APLF: variants seen among roughly 807,000 people sequenced by gnomAD.
APLF encodes the protein aprataxin and PNKP like factor, also known as aprataxin and PNK-like factor.
A neutral mutation model predicts 55.6 loss-of-function variants in APLF; 61 were observed. That is an observed-to-expected ratio of 1.10 (90% CI 0.89 to 1.36). The LOEUF is 1.36. Ranked by LOEUF, APLF falls within the 40% of genes most tolerant of loss-of-function variation. The probability of loss-of-function intolerance (pLI) is 0.00; values close to 1 mark genes in which losing one functional copy is unlikely to be tolerated. For missense variants in APLF, 611 were observed against 602.5 expected (o/e 1.01, Z -0.15); for synonymous variants, 207 against 214.8 (o/e 0.96, Z 0.32).
At chr2:68,517,853 A>G (rs543620554) in intron 5 of APLF, among the ~76,000 whole-genome samples, 5 of 144,834 alleles carry the variant, frequency 3.5e-5, no homozygotes, top group African/African-American at 9.9e-5. Context: ...TATATCACTA[A>G]TATGTGTTAA....
chr2:68,562,471 A>T (rs1414680399), intron 8 of APLF, among the ~76,000 whole-genome samples: 3 of 152,034 alleles, frequency 2.0e-5, no homozygotes, highest in Non-Finnish European at 4.4e-5. Context: ...GATTTGACAG[A>T]TGATAGAGAT....
At chr2:68,572,607 A>G (rs1022311143) in intron 9 of APLF, among the ~76,000 whole-genome samples, 3 of 152,196 alleles carry the variant, frequency 2.0e-5, no homozygotes, top group African/African-American at 7.2e-5. Context: ...AGGCCAAGGC[A>G]GGAGGATCGC....
At chr2:68,572,563 T>C (rs1040645991) in intron 9 of APLF, among the ~76,000 whole-genome samples, 1 of 152,200 alleles carries the variant, frequency 6.6e-6, no homozygotes, top group Non-Finnish European at 1.5e-5. Flanking sequence ...TGGCTGGGTG[T>C]GGTGGCTCAT....
Position 68,528,498 on chromosome 2 carries a change from G to A in APLF, c.804+2256G>A, listed in dbSNP as rs906403526. ...GGTGGCCCCGACAGTTTTCTTTTGC[G>A]GGACCTGTGGCCGGCAGCTCTGGGT... On this transcript the variant is annotated intron_variant, in intron 6 of 9. Coordinates refer to ENST00000303795, the MANE Select transcript of APLF (RefSeq NM_173545.3). 113 of 1,533,878 alleles carry A rather than the reference G, an allele frequency of 7.4e-5. 2 individuals carry two copies. Among genetic ancestry groups the A allele is most frequent in the South Asian group, 3.5e-4 (29 of 83,950 alleles).
intron 8 of APLF, among the ~76,000 whole-genome samples, chr2:68,563,906 T>C (rs928426744): frequency 2.6e-5 from 4 of 152,056 alleles, no homozygotes; most frequent in African/African-American, 7.2e-5. Context: ...CCATATAGAA[T>C]GTTAACACTT....
At chr2:68,507,262 A>G (rs1196705422) in intron 3 of APLF, among the ~76,000 whole-genome samples, 1 of 151,968 alleles carries the variant, frequency 6.6e-6, no homozygotes, top group Non-Finnish European at 1.5e-5. Flanking sequence ...AGAAGTTGTT[A>G]GGACTCCTTT....
At chr2:68,539,227 T>C (rs1670484343) in intron 7 of APLF, among the ~76,000 whole-genome samples, 1 of 152,232 alleles carries the variant, frequency 6.6e-6, no homozygotes, top group Non-Finnish European at 1.5e-5. Context: ...TGGAAGTATA[T>C]ATACCTTCTG....
At chr2:68,527,376 G>A (rs1160749404) in intron 6 of APLF, among the ~76,000 whole-genome samples, 6 of 150,682 alleles carry the variant, frequency 4.0e-5, no homozygotes. Context: ...CAGACAGGAT[G>A]GTGGCTGGGC....
intron 2 of APLF, among the ~76,000 whole-genome samples, chr2:68,493,470 T>C (rs1161495341): frequency 1.3e-5 from 2 of 152,046 alleles, no homozygotes; most frequent in Non-Finnish European, 2.9e-5. Context: ...TTAAACAGGA[T>C]ATAAAAAGCA....
intron 8 of APLF, chr2:68,563,047 A>C: frequency 2.0e-6 from 2 of 984,798 alleles, no homozygotes; most frequent in Non-Finnish European, 2.4e-6. Context: ...CTTCATTTTC[A>C]GTGAAATAGC....
At chr2:68,502,633 A>G in intron 2 of APLF, 98 bp from the exon 3 acceptor site, 1 of 814,188 alleles carries the variant, frequency 1.2e-6, no homozygotes, top group Non-Finnish European at 1.7e-6. Context: ...AAAATTATGA[A>G]TTCATATTTA....
chr2:68,510,564 C>T lies in APLF; in HGVS notation c.342-2516C>T, dbSNP rs79872471. On this transcript the variant is annotated intron_variant, in intron 3 of 9. Coordinates refer to ENST00000303795, the MANE Select transcript of APLF (RefSeq NM_173545.3). ...GTTGTGAAGAAACTGAACTATTATA[C>T]ATTGTGGTGGGATTATAAAATGGTA... Among the ~76,000 whole-genome samples, 4 of 151,864 alleles carry T rather than the reference C, an allele frequency of 2.6e-5. No homozygotes were observed. In the East Asian group the frequency reaches 5.8e-4, roughly 22 times the overall value.
chr2:68,512,980 T>G, intron 3 of APLF, 100 bp from the exon 4 acceptor site: 1 of 1,136,858 alleles, frequency 8.8e-7, no homozygotes, highest in Non-Finnish European at 1.2e-6. Flanking sequence ...TTTTTGGTTT[T>G]GCTAAGTCTG....
chr2:68,490,171 T>TA lies in APLF; in HGVS notation c.97-17dup. ...AAGGAGGTGGCTATTCTTAATCTTT[T>TA]AATTTTTTTACTGTATAGATAACAG... is the stretch of plus-strand genomic sequence containing the variant. On this transcript the variant is annotated intron_variant, in intron 1 of 9. Transcript: ENST00000303795. 6.4e-7 allele frequency: 1 copy of TA among 1,560,478 alleles called. No individual in the cohort carries two copies. Among genetic ancestry groups the TA allele is most frequent in the Non-Finnish European group, 8.6e-7 (1 of 1,158,930 alleles).
intron 7 of APLF, among the ~76,000 whole-genome samples, chr2:68,539,719 C>G (rs1670494574): frequency 6.6e-6 from 1 of 152,034 alleles, no homozygotes; most frequent in Non-Finnish European, 1.5e-5. Context: ...GAAAAAAATT[C>G]TTAATTATAT....
At chr2:68,494,185 A>G (rs554094901) in intron 2 of APLF, among the ~76,000 whole-genome samples, 1 of 145,084 alleles carries the variant, frequency 6.9e-6, no homozygotes, top group South Asian at 2.4e-4. Flanking sequence ...CTGAGGCAGG[A>G]GAATTGCTTG....
At chr2:68,499,500 T>G (rs1343711438) in intron 2 of APLF, among the ~76,000 whole-genome samples, 1 of 152,210 alleles carries the variant, frequency 6.6e-6, no homozygotes, top group East Asian at 1.9e-4. Context: ...TTGATTGTAC[T>G]TCTGAAATAT....
chr2:68,542,810 A>G (rs1021412522), intron 7 of APLF, among the ~76,000 whole-genome samples: 2 of 152,208 alleles, frequency 1.3e-5, no homozygotes, highest in Non-Finnish European at 2.9e-5. Flanking sequence ...ACTTCTGGGT[A>G]TATATCCATA....
chr2:68,558,412 T>A (rs970302946), intron 8 of APLF, among the ~76,000 whole-genome samples: 1 of 152,176 alleles, frequency 6.6e-6, no homozygotes, highest in Non-Finnish European at 1.5e-5. Flanking sequence ...ATTTTCCTTT[T>A]TCTTCTAAAT....
Sources: gnomAD v4.1 joint callset for allele counts (sites outside exome capture counted in the v4.1 genomes callset) on GRCh38, gnomAD v4.1.1 for gene constraint, MANE v1.5 for transcripts, NCBI Gene and HGNC (gene_info 2026-07-23, HGNC 2026-07-21) for gene names.